Variants in CASD1 observed in about 807,000 individuals in gnomAD.
The protein encoded by CASD1 is CAS1 domain sialic acid O acetyltransferase 1.
In CASD1, 41 loss-of-function variants were observed where a neutral mutation model predicts 100.0. That is an observed-to-expected ratio of 0.41 (90% CI 0.32 to 0.53). The LOEUF (loss-of-function observed/expected upper bound fraction) is 0.53. Among genes scored for constraint, CASD1 ranks in the 20% least tolerant of loss-of-function variants. CASD1 has a pLI of 0.25. For synonymous variants in CASD1, 321 were observed against 315.6 expected, an observed-to-expected ratio of 1.02 and a Z score of -0.18; for missense variants, 774 against 948.7, an observed-to-expected ratio of 0.82 and a Z score of 2.42.
chr7:94,515,160 A>G (rs1413534078), intron 1 of CASD1, among the ~76,000 whole-genome samples: 1 of 152,078 alleles, frequency 6.6e-6, no homozygotes, highest in African/African-American at 2.4e-5. Context: ...CCTTTATATT[A>G]GATTCTGGTA....
At chr7:94,593,301 AT>A in the CASD1 span, among the ~76,000 whole-genome samples, 4 of 151,966 alleles carry the variant, frequency 2.6e-5, no homozygotes, top group African/African-American at 4.8e-5. Context: ...AATAAGGAAA[AT>A]TTTTGTGTAG....
chr7:94,535,261 C>A, intron 7 of CASD1, 48 bp from the exon 8 acceptor site: 1 of 1,394,988 alleles, frequency 7.2e-7, no homozygotes, highest in Non-Finnish European at 1.0e-6. Context: ...CAATTTTTAC[C>A]AATAGGGATT....
chr7:94,579,183 G>A, the CASD1 span, among the ~76,000 whole-genome samples: 1 of 149,908 alleles, frequency 6.7e-6, no homozygotes, highest in East Asian at 2.0e-4. Context: ...GAATGAAAGG[G>A]CCCTGATACT....
At chr7:94,598,891 C>T in the CASD1 span, 1 of 1,613,664 alleles carries the variant, frequency 6.2e-7, no homozygotes, top group Non-Finnish European at 8.5e-7. Context: ...GCCATGCTAT[C>T]TCTCTATTCT....
chr7:94,599,667 G>A, the CASD1 span: 9 of 1,601,282 alleles, frequency 5.6e-6, no homozygotes, highest in East Asian at 8.9e-5. Context: ...AAAAAATGAT[G>A]AAGAAAATAA....
the CASD1 span, among the ~76,000 whole-genome samples, chr7:94,601,757 A>G: frequency 1.3e-5 from 2 of 152,112 alleles, no homozygotes; most frequent in African/African-American, 4.8e-5. Context: ...TCCTTTTTAA[A>G]AATGAGAACT....
chr7:94,614,256 A>G, the CASD1 span, among the ~76,000 whole-genome samples: 1 of 152,100 alleles, frequency 6.6e-6, no homozygotes, highest in Non-Finnish European at 1.5e-5. Flanking sequence ...CCTCTTGTTC[A>G]TGTATCCTCT....
At chr7:94,555,310 G>A (rs1796149561) in intron 17 of CASD1, among the ~76,000 whole-genome samples, 182 bp from the exon 18 acceptor site, 1 of 151,992 alleles carries the variant, frequency 6.6e-6, no homozygotes, top group Non-Finnish European at 1.5e-5. Flanking sequence ...GATTGTATTA[G>A]CAGTTGGAGT....
the CASD1 span, among the ~76,000 whole-genome samples, chr7:94,591,624 C>T: frequency 3.3e-5 from 5 of 151,820 alleles, no homozygotes; most frequent in Admixed American, 6.6e-5. Flanking sequence ...AGTTGGATGC[C>T]CCCCACTTCT....
chr7:94,602,199 C>A, the CASD1 span, among the ~76,000 whole-genome samples: 1 of 152,016 alleles, frequency 6.6e-6, no homozygotes, highest in Admixed American at 6.6e-5. Context: ...GTCTCCTGCA[C>A]CCTTGTATCG....
the CASD1 span, chr7:94,624,445 T>A: frequency 2.6e-6 from 1 of 379,748 alleles, no homozygotes; most frequent in Non-Finnish European, 4.7e-6. Context: ...AAGGTATATA[T>A]TTTGAAAGGC....
intron 3 of CASD1, among the ~76,000 whole-genome samples, chr7:94,518,720 T>C (rs749154599): frequency 8.0e-4 from 122 of 152,070 alleles, no homozygotes; most frequent in Non-Finnish European, 1.4e-3. Context: ...ATGTGCAATT[T>C]TATATCTTGC....
the CASD1 span, among the ~76,000 whole-genome samples, chr7:94,630,253 G>T: frequency 6.6e-6 from 1 of 151,564 alleles, no homozygotes; most frequent in African/African-American, 2.4e-5. Flanking sequence ...TTAAAGCAAA[G>T]TACAGAGTAA....
At chr7:94,574,839 G>A in the CASD1 span, among the ~76,000 whole-genome samples, 19 of 152,020 alleles carry the variant, frequency 1.2e-4, no homozygotes, top group East Asian at 1.9e-4. Context: ...GCATGGCAGC[G>A]GGCACCTGTA....
chr7:94,593,749 G>T, the CASD1 span, among the ~76,000 whole-genome samples: 13 of 151,942 alleles, frequency 8.6e-5, no homozygotes, highest in African/African-American at 3.1e-4. Context: ...CAATGTGCAT[G>T]GACTGCTATT....
the CASD1 span, chr7:94,624,346 T>C: frequency 5.0e-6 from 2 of 396,930 alleles, no homozygotes; most frequent in Admixed American, 4.4e-5. Flanking sequence ...ATTACATGTG[T>C]CAAAAAATAA....
At chr7:94,540,328 G>C (rs1351781097) in intron 10 of CASD1, among the ~76,000 whole-genome samples, 1 of 152,170 alleles carries the variant, frequency 6.6e-6, no homozygotes, top group Non-Finnish European at 1.5e-5. Context: ...GTTGAAGTTA[G>C]AGAGGAGTGT....
At chr7:94,543,806 CAT>C (rs573557728) in intron 10 of CASD1, among the ~76,000 whole-genome samples, 23 of 152,256 alleles carry the variant, frequency 1.5e-4, no homozygotes, top group African/African-American at 4.8e-4. Flanking sequence ...TGCCTCCTAT[CAT>C]ATGTGGATTC....
intron 5 of CASD1, among the ~76,000 whole-genome samples, chr7:94,532,048 A>G (rs13244711): frequency 0.43 from 66,005 of 151,842 alleles, 14,893 homozygotes; most frequent in South Asian, 0.52. Flanking sequence ...CTTGTTATAT[A>G]TAACATATAG....
Sources: gnomAD v4.1 joint callset for allele counts (sites outside exome capture counted in the v4.1 genomes callset) on GRCh38, gnomAD v4.1.1 for gene constraint, MANE v1.5 for transcripts, NCBI Gene and HGNC (gene_info 2026-07-23, HGNC 2026-07-21) for gene names.